GNPTG: variants seen among roughly 807,000 people sequenced by gnomAD.
GNPTG encodes the protein N-acetylglucosamine-1-phosphotransferase subunit gamma.
A neutral mutation model predicts 43.8 loss-of-function variants in GNPTG; 46 were observed. The ratio of observed to expected loss-of-function variants is 1.05; its 90% CI spans 0.83 to 1.34. GNPTG has a LOEUF of 1.34. Among genes scored for constraint, GNPTG ranks in the 40% most tolerant of loss-of-function variants. GNPTG has a pLI of 0.00. For synonymous variants in GNPTG, 250 were observed against 172.8 expected, an observed-to-expected ratio of 1.45 and a Z score of -3.50; for missense variants, 549 against 411.3, an observed-to-expected ratio of 1.33 and a Z score of -2.90.
intron 3 of GNPTG, among the ~76,000 whole-genome samples, chr16:1,354,298 GA>G (rs1297586949): frequency 1.3e-5 from 2 of 152,110 alleles, no homozygotes; most frequent in African/African-American, 4.8e-5. Flanking sequence ...AAAGAAAACA[GA>G]ATATGCTGGT....
intron 3 of GNPTG, among the ~76,000 whole-genome samples, chr16:1,360,329 A>AAGTT (rs2034848033): frequency 1.3e-5 from 2 of 152,096 alleles, no homozygotes; most frequent in Admixed American, 6.5e-5. Flanking sequence ...TTTAAATCTG[A>AAGTT]AGTTAGTCTT....
chr16:1,358,573 G>A (rs2034818770), intron 3 of GNPTG, among the ~76,000 whole-genome samples: 1 of 152,088 alleles, frequency 6.6e-6, no homozygotes. Flanking sequence ...TGTGAACTTG[G>A]GTGTAAATAT....
At position 1,362,874 on chromosome 16, in the gene GNPTG, C is replaced by T. The variant is rs779227679; in HGVS notation, c.791C>T (p.Thr264Ile). 1.9e-6 allele frequency: 3 copies of T among 1,613,954 alleles called. No homozygotes were observed. Among genetic ancestry groups the T allele is most frequent in the East Asian group, 2.2e-5 (1 of 44,874 alleles). The change falls in exon 10 of 11, where the codon ACC (threonine) becomes ATC (isoleucine). Residue 264 changes from threonine (T) to isoleucine (I), a missense_variant. Thr to Ile is a moderately conservative substitution (Grantham distance 89). Transcript: ENST00000204679. ...ATCAAAAGGCTGAAAGGTTTGCTCACCCAGCACGGCATCCCCTACACGAGG... is the reference window on the plus strand; with the variant it reads ...ATCAAAAGGCTGAAAGGTTTGCTCATCCAGCACGGCATCCCCTACACGAGG... ...KEIKRLKGLL[T>I]QHGIPYTRPT... is the part of the protein sequence containing the mutation.
intron 3 of GNPTG, among the ~76,000 whole-genome samples, chr16:1,354,849 C>A (rs1281895442): frequency 6.6e-6 from 1 of 151,758 alleles, no homozygotes; most frequent in Non-Finnish European, 1.5e-5. Flanking sequence ...TGGGGTCAGG[C>A]GTGGATAGTC....
At chr16:1,353,497 T>C (rs2034720525) in intron 3 of GNPTG, among the ~76,000 whole-genome samples, 1 of 152,104 alleles carries the variant, frequency 6.6e-6, no homozygotes. Flanking sequence ...AGTGTGTGTA[T>C]GTGTGTTAGA....
At chr16:1,360,871 C>T (rs1300118521) in intron 3 of GNPTG, 1 of 152,464 alleles carries the variant, frequency 6.6e-6, no homozygotes, top group Non-Finnish European at 1.5e-5. Flanking sequence ...CTGCTCACTT[C>T]CCCGGGTGGC....
At position 1,361,931 on chromosome 16, in the gene GNPTG, G is replaced by A. The variant is rs1555451684; in HGVS notation, c.293G>A (p.Trp98Ter). 1.2e-6 allele frequency: 2 copies of A among 1,613,658 alleles called. No homozygotes were observed. The highest frequency in any genetic ancestry group is 1.7e-6 in the Non-Finnish European group (2 of 1,180,046). ...NVTQHEQTFR[W>*]NAYSGILGIW... ...ACCCAGCACGAGCAGACCTTCCGCT[G>A]GAACGCCTACAGTGGGATCCTCGGG... The change falls in exon 5 of 11, where the codon TGG (tryptophan) becomes TAG (stop). Residue 98 changes from tryptophan to a stop codon, truncating the protein, a stop_gained. Coordinates refer to ENST00000204679, the MANE Select transcript of GNPTG (RefSeq NM_032520.5). LOFTEE classifies it high-confidence loss of function.
Position 1,363,149 on chromosome 16 carries a change from G to A in GNPTG, c.*58G>A. ...CGAGAGCCCTACAGAGAAGCTGGCTGGTAGGACCCGCAGGGACCAGCTGAC... is the reference window on the plus strand; with the variant it reads ...CGAGAGCCCTACAGAGAAGCTGGCTAGTAGGACCCGCAGGGACCAGCTGAC... On this transcript the variant is annotated 3_prime_UTR_variant, in exon 11 of 11. Coordinates refer to ENST00000204679, the MANE Select transcript of GNPTG (RefSeq NM_032520.5). 1 of 1,494,960 alleles carries A rather than the reference G, an allele frequency of 6.7e-7. No individual in the cohort carries two copies. Among genetic ancestry groups the A allele is most frequent in the Admixed American group, 1.8e-5 (1 of 55,060 alleles). The allele number at this position is 1,494,960 out of a possible 1,614,324, so 92.6% of individuals were successfully genotyped here.
intron 3 of GNPTG, among the ~76,000 whole-genome samples, chr16:1,355,088 C>G (rs1223089098): frequency 1.3e-5 from 2 of 151,956 alleles, no homozygotes; most frequent in Admixed American, 6.6e-5. Context: ...TGTGGATGGT[C>G]TCCCGCGTCT....
At chr16:1,362,555 G>A in intron 8 of GNPTG, 21 bp downstream of exon 8, 3 of 1,614,136 alleles carry the variant, frequency 1.9e-6, no homozygotes, top group South Asian at 1.1e-5. Flanking sequence ...GCTCGGGGTG[G>A]CCCCTGGTGG....
intron 7 of GNPTG, 39 bp downstream of exon 7, chr16:1,362,359 C>G: frequency 6.2e-7 from 1 of 1,608,652 alleles, no homozygotes; most frequent in Non-Finnish European, 8.5e-7. Flanking sequence ...GTGGGGTCAG[C>G]CGCGCACGCA....
intron 3 of GNPTG, among the ~76,000 whole-genome samples, chr16:1,353,519 G>A (rs1030975205): frequency 1.3e-5 from 2 of 152,128 alleles, no homozygotes; most frequent in Admixed American, 1.3e-4. Context: ...TATTGTTTGG[G>A]GGATCGCTTT....
Position 1,363,508 on chromosome 16 carries a change from C to G in GNPTG, c.*417C>G. 3.7e-6 allele frequency: 1 copy of G among 270,430 alleles called. No individual in the cohort carries two copies. The highest frequency in any genetic ancestry group is 7.3e-6 in the Non-Finnish European group (1 of 136,422). 16.8% of individuals were successfully genotyped at this position (270,430 alleles called of 1,614,324 possible). On this transcript the variant is annotated 3_prime_UTR_variant, in exon 11 of 11. Transcript: ENST00000204679. Reference sequence around the variant, plus strand: ...ACGTCGTGACACCACTGTATCACGGCGAATGTCGAACACTAGAGTTACAGA... The same window carrying G: ...ACGTCGTGACACCACTGTATCACGGGGAATGTCGAACACTAGAGTTACAGA...
Position 1,362,125 on chromosome 16 carries a change from G to C in GNPTG, c.405G>C (p.Gln135His), listed in dbSNP as rs763335225. The C allele has an allele frequency of 6.2e-7, 1 of 1,612,474 alleles. No homozygotes were observed. Among genetic ancestry groups the C allele is most frequent in the Non-Finnish European group, 8.5e-7 (1 of 1,179,562 alleles). Reference sequence around the variant, plus strand: ...ACGCCTGCCGTTCCCGGAGCCGGCAGAGCAAGGTGGGGCCTCAGACGGGAG... The same window carrying C: ...ACGCCTGCCGTTCCCGGAGCCGGCACAGCAAGGTGGGGCCTCAGACGGGAG... ...DGDACRSRSRQSKVELACGKS... is the reference protein window; with the variant it reads ...DGDACRSRSRHSKVELACGKS... The change falls in exon 6 of 11, where the codon CAG (glutamine) becomes CAC (histidine). Residue 135 changes from glutamine to histidine, a missense_variant. By Grantham distance (24) the Gln-to-His change is conservative (BLOSUM62 0). Transcript: ENST00000204679.
rs750563207 is a variant in GNPTG at position 1,363,048 on chromosome 16, C to T, written c.875C>T (p.Pro292Leu). The change falls in exon 11 of 11, where the codon CCA (proline) becomes CTA (leucine). Residue 292 changes from proline (P) to leucine (L), a missense_variant. Physicochemically the swap from Pro to Leu is moderately conservative, Grantham distance 98 (BLOSUM62 -3). Transcript: ENST00000204679. ...LGHETPRAKS[P>L]EQLRGDPGLR... ...CACGAGACGCCCAGAGCCAAGTCTC[C>T]AGAGCAGCTGCGGGGTGACCCAGGA... The T allele has an allele frequency of 5.0e-6, 8 of 1,614,008 alleles. No homozygotes were observed. The South Asian group carries it at 5.5e-5, about 11-fold the overall frequency.
At chr16:1,354,629 G>T (rs1436920912) in intron 3 of GNPTG, among the ~76,000 whole-genome samples, 1 of 88,244 alleles carries the variant, frequency 1.1e-5, no homozygotes, top group Admixed American at 1.1e-4. Context: ...ATTTAGAAAA[G>T]AATACCTCTT....
intron 3 of GNPTG, among the ~76,000 whole-genome samples, chr16:1,354,770 T>C (rs960784243): frequency 1.3e-5 from 2 of 152,234 alleles, no homozygotes; most frequent in Non-Finnish European, 2.9e-5. Flanking sequence ...GGCACATTTG[T>C]TTCCCAGTTT....
intron 3 of GNPTG, 131 bp downstream of exon 3, chr16:1,352,437 T>C (rs1378909525): frequency 1.1e-6 from 1 of 911,550 alleles, no homozygotes. Flanking sequence ...CTAAAATTAA[T>C]GTGGAAGTAC....
intron 3 of GNPTG, 144 bp from the exon 4 acceptor site, chr16:1,361,599 A>G (rs954707604): frequency 1.0e-5 from 8 of 800,326 alleles, no homozygotes; most frequent in African/African-American, 1.7e-5. Context: ...AGCCAAGATC[A>G]TGCCACTGCA....
Sources: gnomAD v4.1 joint callset for allele counts (sites outside exome capture counted in the v4.1 genomes callset) on GRCh38, gnomAD v4.1.1 for gene constraint, MANE v1.5 for transcripts, NCBI Gene and HGNC (gene_info 2026-07-23, HGNC 2026-07-21) for gene names.